Variants in DOCK5 observed in about 807,000 individuals in gnomAD.
The protein encoded by DOCK5 is dedicator of cytokinesis protein 5.
Under a neutral mutation model 251.8 loss-of-function variants are expected in DOCK5, and 142 were observed. That is an observed-to-expected ratio of 0.56 (90% CI 0.49 to 0.65). DOCK5 has a LOEUF of 0.65. DOCK5 is among the 30% of genes least tolerant of loss of function. DOCK5 has a pLI of 0.00. For synonymous variants in DOCK5, 842 were observed against 835.5 expected, an observed-to-expected ratio of 1.01 and a Z score of -0.13; for missense variants, 2,111 against 2,312.3, an observed-to-expected ratio of 0.91 and a Z score of 1.79.
In DOCK5 at chr8:25,356,555, T is replaced by G. The variant is rs560779600; in HGVS notation, c.2851-2408T>G. ...GGTGACATGCGCCTGTAATCCCAGC[T>G]ACTCAGGAGGCTAAGATGTGAGGAT... On this transcript the variant is annotated intron_variant, in intron 27 of 51. Coordinates refer to ENST00000276440, the MANE Select transcript of DOCK5 (RefSeq NM_024940.8). Among the ~76,000 whole-genome samples, 17 of 152,028 alleles carry G rather than the reference T, an allele frequency of 1.1e-4. No individual in the cohort carries two copies. In the East Asian group the frequency reaches 3.3e-3, roughly 30 times the overall value.
At chr8:25,270,826 A>G (rs1202197479) in intron 3 of DOCK5, 1 of 712,544 alleles carries the variant, frequency 1.4e-6, no homozygotes, top group South Asian at 1.5e-5. Context: ...ACCGAAATCC[A>G]TGGATGCTCA....
At chr8:25,402,455 C>T (rs1801455324) in intron 47 of DOCK5, among the ~76,000 whole-genome samples, 1 of 152,174 alleles carries the variant, frequency 6.6e-6, no homozygotes, top group African/African-American at 2.4e-5. Flanking sequence ...CGCCACCATG[C>T]CCAGCTATTT....
chr8:25,204,617 T>C (rs1801957195), intron 1 of DOCK5, among the ~76,000 whole-genome samples: 1 of 152,220 alleles, frequency 6.6e-6, no homozygotes, highest in South Asian at 2.1e-4. Flanking sequence ...AAACTTTGTC[T>C]ACAAAGGTTT....
chr8:25,407,353 C>T (rs17053614), intron 48 of DOCK5, among the ~76,000 whole-genome samples: 53,810 of 151,900 alleles, frequency 0.35, 9,596 homozygotes, highest in East Asian at 0.41. Context: ...CAGAGTTGTG[C>T]TCTTACCCAC....
At chr8:25,287,954 C>T (rs1031906477) in intron 5 of DOCK5, among the ~76,000 whole-genome samples, 4 of 146,606 alleles carry the variant, frequency 2.7e-5, no homozygotes, top group African/African-American at 5.1e-5. Context: ...GGTGTGATCT[C>T]GGCTTGCAGC....
intron 37 of DOCK5, 25 bp from the exon 38 acceptor site, chr8:25,377,280 G>T (rs767836407): frequency 6.3e-7 from 1 of 1,597,026 alleles, no homozygotes; most frequent in African/African-American, 1.4e-5. Context: ...TGTATTAACC[G>T]TGTGTCGCTT....
chr8:25,294,293 C>T (rs912827714), intron 6 of DOCK5, among the ~76,000 whole-genome samples: 1 of 152,114 alleles, frequency 6.6e-6, no homozygotes, highest in Admixed American at 6.5e-5. Flanking sequence ...TGGGTCTGGC[C>T]GCCATGGAAA....
intron 1 of DOCK5, among the ~76,000 whole-genome samples, chr8:25,239,129 G>A (rs1296469144): frequency 6.6e-6 from 1 of 152,144 alleles, no homozygotes; most frequent in Non-Finnish European, 1.5e-5. Context: ...GTTCTAGGCA[G>A]AAACAAACCA....
At chr8:25,232,406 A>G (rs1305691882) in intron 1 of DOCK5, among the ~76,000 whole-genome samples, 1 of 152,232 alleles carries the variant, frequency 6.6e-6, no homozygotes, top group East Asian at 1.9e-4. Flanking sequence ...CAGTTTGGCT[A>G]CATGTCTAAG....
chr8:25,291,594 A>G (rs1484606655), intron 5 of DOCK5, among the ~76,000 whole-genome samples: 1 of 151,420 alleles, frequency 6.6e-6, no homozygotes, highest in Non-Finnish European at 1.5e-5. Flanking sequence ...GAGGCAGGAG[A>G]ATCACTTCAA....
intron 13 of DOCK5, among the ~76,000 whole-genome samples, chr8:25,313,953 CTT>C (rs1805166053): frequency 5.3e-4 from 2 of 3,760 alleles, no homozygotes; most frequent in Non-Finnish European, 1.2e-3. Context: ...GAACAGCCCT[CTT>C]TCTGTCTCAC....
At chr8:25,365,051 C>T (rs1800752243) in intron 30 of DOCK5, among the ~76,000 whole-genome samples, 1 of 152,218 alleles carries the variant, frequency 6.6e-6, no homozygotes. Context: ...TACAAATAAG[C>T]ACACAGGTAA....
chr8:25,249,414 G>T (rs1055645213), intron 2 of DOCK5, among the ~76,000 whole-genome samples: 19 of 152,134 alleles, frequency 1.2e-4, no homozygotes, highest in African/African-American at 4.6e-4. Flanking sequence ...AATGCAGAGG[G>T]TTGGGCAAAT....
At chr8:25,319,799 G>A in intron 15 of DOCK5, 123 bp downstream of exon 15, 4 of 615,010 alleles carry the variant, frequency 6.5e-6, no homozygotes, top group Non-Finnish European at 1.1e-5. Context: ...CCTATGGTGT[G>A]CAGTAAGAAA....
At chr8:25,350,306 A>G (rs1800443643) in intron 26 of DOCK5, among the ~76,000 whole-genome samples, 1 of 151,932 alleles carries the variant, frequency 6.6e-6, no homozygotes, top group Non-Finnish European at 1.5e-5. Context: ...CAAAGTATCT[A>G]TCATAAAGCA....
At position 25,185,078 on chromosome 8, in the gene DOCK5, C is replaced by G. The variant is rs1801398637; in HGVS notation, c.43+127C>G. On this transcript the variant is annotated intron_variant, in intron 1 of 51. Coordinates refer to ENST00000276440, the MANE Select transcript of DOCK5 (RefSeq NM_024940.8). ...GGGGGCTCGGCCCGGCTGCGCAGCT[C>G]TGGGAGCCGGGGACGGTAGGAGTCC... 2.7e-6 allele frequency: 3 copies of G among 1,114,214 alleles called. No individual in the cohort carries two copies. The Admixed American group carries it at 1.3e-4, about 48-fold the overall frequency. 69.0% of individuals were successfully genotyped at this position (1,114,214 alleles called of 1,614,324 possible).
At chr8:25,394,449 C>G (rs1801311516) in intron 44 of DOCK5, among the ~76,000 whole-genome samples, 1 of 151,960 alleles carries the variant, frequency 6.6e-6, no homozygotes, top group South Asian at 2.1e-4. Flanking sequence ...AAAATTCAGC[C>G]TGTATATTCG....
rs1247074555 is a variant in DOCK5 at position 25,185,072 on chromosome 8, G to C, written c.43+121G>C. On this transcript the variant is annotated intron_variant, in intron 1 of 51. Coordinates refer to ENST00000276440, the MANE Select transcript of DOCK5 (RefSeq NM_024940.8). ...CTGGCCGGGGGCTCGGCCCGGCTGC[G>C]CAGCTCTGGGAGCCGGGGACGGTAG... The C allele has an allele frequency of 3.5e-6, 4 of 1,132,940 alleles. No individual in the cohort carries two copies. In the South Asian group the frequency reaches 1.2e-4, roughly 34 times the overall value. 70.2% of individuals were successfully genotyped at this position (1,132,940 alleles called of 1,614,324 possible).
At chr8:25,281,637 T>G (rs1586291576) in intron 5 of DOCK5, among the ~76,000 whole-genome samples, 1 of 151,552 alleles carries the variant, frequency 6.6e-6, no homozygotes, top group East Asian at 1.9e-4. Context: ...TCCCAGCACT[T>G]TGGGAGGCTG....
Sources: gnomAD v4.1 joint callset for allele counts (sites outside exome capture counted in the v4.1 genomes callset) on GRCh38, gnomAD v4.1.1 for gene constraint, MANE v1.5 for transcripts, NCBI Gene and HGNC (gene_info 2026-07-23, HGNC 2026-07-21) for gene names.